BRD4: variants seen among roughly 807,000 people sequenced by gnomAD.
BRD4 encodes the protein bromodomain containing 4.
In BRD4, 16 loss-of-function variants were observed where a neutral mutation model predicts 142.1. The ratio of observed to expected loss-of-function variants is 0.11; its 90% CI spans 0.08 to 0.17. BRD4 has a LOEUF of 0.17. Among genes scored for constraint, BRD4 ranks in the 10% least tolerant of loss-of-function variants. The probability of loss-of-function intolerance (pLI) is 1.00; values close to 1 mark genes in which losing one functional copy is unlikely to be tolerated. For missense variants in BRD4, 1,424 were observed against 1,810.9 expected (o/e 0.79, Z 3.88); for synonymous variants, 833 against 707.5 (o/e 1.18, Z -2.82).
At chr19:15,257,200 G>A (rs200384524) in intron 7 of BRD4, 27 bp from the exon 8 acceptor site, 60 of 1,574,354 alleles carry the variant, frequency 3.8e-5, no homozygotes, top group Non-Finnish European at 4.8e-5. Context: ...ATGCTGTGAC[G>A]GCTGCTGGGT....
intron 11 of BRD4, among the ~76,000 whole-genome samples, chr19:15,251,731 C>A (rs2047349422): frequency 6.6e-6 from 1 of 152,200 alleles, no homozygotes; most frequent in African/African-American, 2.4e-5. Context: ...ATCTGCCGTA[C>A]GAAACCCTCG....
intron 1 of BRD4, among the ~76,000 whole-genome samples, chr19:15,302,036 G>A (rs1290881133): frequency 2.6e-5 from 4 of 151,668 alleles, no homozygotes; most frequent in African/African-American, 4.8e-5. Flanking sequence ...ACATGGTGGC[G>A]CAGGCCTGTA....
chr19:15,283,788 A>G (rs1403673361), intron 1 of BRD4, among the ~76,000 whole-genome samples: 1 of 152,236 alleles, frequency 6.6e-6, no homozygotes, highest in African/African-American at 2.4e-5. Flanking sequence ...AAAGCAGCAG[A>G]GCAGCGGCTG....
At position 15,267,496 on chromosome 19, in the gene BRD4, T is replaced by G. The variant is rs1351241794; in HGVS notation, c.479A>C (p.Lys160Thr). ...AEALEKLFLQ[K>T]INELPTEETE... Reference sequence around the variant, plus strand: ...TTCTTCTGTGGGTAGCTCATTTATTTTTTGCAAGAAGAGCTTTTCCAGAGC... The same window carrying G: ...TTCTTCTGTGGGTAGCTCATTTATTGTTTGCAAGAAGAGCTTTTCCAGAGC... The change falls in exon 4 of 20, where the codon AAA becomes ACA. Residue 160 changes from lysine to threonine, a missense_variant. By Grantham distance (78) the Lys-to-Thr change is moderately conservative. This residue lies in a region of BRD4 where 55 missense variants were observed against 160.7 expected (regional missense o/e 0.34). Transcript: ENST00000679869. 6.2e-7 allele frequency: 1 copy of G among 1,614,184 alleles called. No individual in the cohort carries two copies. Among genetic ancestry groups the G allele is most frequent in the Admixed American group, 1.7e-5 (1 of 60,020 alleles).
At chr19:15,325,861 G>T (rs573890864) in intron 1 of BRD4, among the ~76,000 whole-genome samples, 1 of 151,742 alleles carries the variant, frequency 6.6e-6, no homozygotes, top group African/African-American at 2.4e-5. Context: ...AGCTGGGCGT[G>T]GTGGTGCATG....
intron 1 of BRD4, among the ~76,000 whole-genome samples, chr19:15,302,179 G>A (rs567569840): frequency 1.1e-3 from 162 of 151,548 alleles, no homozygotes; most frequent in African/African-American, 3.7e-3. Context: ...AAAAAAAAAA[G>A]GGGAATTTTA....
intron 1 of BRD4, among the ~76,000 whole-genome samples, chr19:15,308,165 T>G (rs8101830): frequency 0.35 from 148 of 422 alleles, 29 homozygotes; most frequent in Non-Finnish European, 0.46. Context: ...GGGGGGGGGG[T>G]GGGTCGCGTA....
Position 15,255,773 on chromosome 19 carries a change from A to C in BRD4, c.1752-181T>G, listed in dbSNP as rs1020122559. ...GGGAGCACCCAGTGGAGACCGAAGCAAACTGTGACTGGAGGCTGCCCAAGT... is the reference window on the plus strand; with the variant it reads ...GGGAGCACCCAGTGGAGACCGAAGCCAACTGTGACTGGAGGCTGCCCAAGT... On this transcript the variant is annotated intron_variant, in intron 9 of 19. Transcript: ENST00000679869. Among the ~76,000 whole-genome samples, 5 of 152,358 alleles carry C rather than the reference A, an allele frequency of 3.3e-5. No individual in the cohort carries two copies. In the Middle Eastern group the frequency reaches 0.01, roughly 311 times the overall value.
At chr19:15,322,173 T>G (rs553195346) in intron 1 of BRD4, among the ~76,000 whole-genome samples, 2 of 152,308 alleles carry the variant, frequency 1.3e-5, no homozygotes, top group South Asian at 4.1e-4. Flanking sequence ...TTATGAAATA[T>G]CCTTGAAAAT....
Position 15,255,541 on chromosome 19 carries a change from C to T in BRD4, c.1803G>A (p.Ser601=), listed in dbSNP as rs746299911. The part of the protein sequence containing the change: ...MKSKPPPTYE[S]EEEDKCKPMS... ...TAGGCTTGCACTTGTCCTCTTCCTC[C>T]GACTCATACGTGGGAGGGGGCTTGC... The change falls in exon 10 of 20, where the codon TCG becomes TCA. Residue 601 remains serine, a synonymous_variant. Coordinates refer to ENST00000679869, the MANE Select transcript of BRD4 (RefSeq NM_001379291.1). The T allele has an allele frequency of 8.7e-6, 14 of 1,612,126 alleles. No individual in the cohort carries two copies. The highest frequency in any genetic ancestry group is 4.5e-5 in the East Asian group (2 of 44,822).
At chr19:15,287,215 G>A (rs1021744631) in intron 1 of BRD4, among the ~76,000 whole-genome samples, 2 of 151,754 alleles carry the variant, frequency 1.3e-5, no homozygotes, top group Non-Finnish European at 2.9e-5. Flanking sequence ...ATGTTTATGC[G>A]GTTTTAGAGG....
At chr19:15,307,224 C>T (rs1599510893) in intron 1 of BRD4, among the ~76,000 whole-genome samples, 2 of 152,164 alleles carry the variant, frequency 1.3e-5, no homozygotes, top group South Asian at 4.1e-4. Context: ...CCGTCAATCA[C>T]CTACAGCACC....
At position 15,262,509 on chromosome 19, in the gene BRD4, C is replaced by T. The variant is rs150445397; in HGVS notation, c.1341+911G>A. Among the ~76,000 whole-genome samples the T allele has an allele frequency of 4.6e-3, 503 of 110,036 alleles. 3 individuals are homozygous for T. The highest frequency in any genetic ancestry group is 0.017 in the African/African-American group (482 of 28,890). The allele number at this position is 110,036 out of a possible 152,430, so 72.2% of individuals were successfully genotyped here. A position where few individuals can be genotyped will look rare whatever the true frequency, so the allele number is the denominator to read the frequency against. ...TTCCAGACCAGCCTGTGCAACATGGCAAAACCCATCTCTTTAAAAAAAAAA... is the reference window on the plus strand; with the variant it reads ...TTCCAGACCAGCCTGTGCAACATGGTAAAACCCATCTCTTTAAAAAAAAAA... On this transcript the variant is annotated intron_variant, in intron 7 of 19. Coordinates refer to ENST00000679869, the MANE Select transcript of BRD4 (RefSeq NM_001379291.1).
At position 15,244,488 on chromosome 19, in the gene BRD4, T is replaced by C. The variant is rs1465213842; in HGVS notation, c.2324A>G (p.Gln775Arg). 2.3e-6 allele frequency: 3 copies of C among 1,293,574 alleles called. No individual in the cohort carries two copies. The highest frequency in any genetic ancestry group is 3.0e-6 in the Non-Finnish European group (3 of 1,003,210). The allele number at this position is 1,293,574 out of a possible 1,614,324, so 80.1% of individuals were successfully genotyped here. A position where few individuals can be genotyped will look rare whatever the true frequency, so the allele number is the denominator to read the frequency against. Reference sequence around the variant, plus strand: ...GGGTGGGGGAGGCGGGGGTGGCGGCTGCTGTTGCTGCTGCGGAGGTGGAGG... The same window carrying C: ...GGGTGGGGGAGGCGGGGGTGGCGGCCGCTGTTGCTGCTGCGGAGGTGGAGG... ...PPPPPPQQQQ[Q>R]PPPPPPPPSM... is the part of the protein sequence containing the mutation. Residue 775 changes from glutamine to arginine, a missense_variant, in exon 13 of 20, where the codon CAG (glutamine) becomes CGG (arginine). This residue lies in a region of BRD4 where 598 missense variants were observed against 647.8 expected (regional missense o/e 0.92). Coordinates refer to ENST00000679869, the MANE Select transcript of BRD4 (RefSeq NM_001379291.1).
At chr19:15,316,399 G>A (rs976241294) in intron 1 of BRD4, among the ~76,000 whole-genome samples, 3 of 151,928 alleles carry the variant, frequency 2.0e-5, no homozygotes, top group Non-Finnish European at 4.4e-5. Flanking sequence ...AGACCAGCCT[G>A]GCCAACGTGG....
At chr19:15,273,269 A>AC in intron 1 of BRD4, 136 bp from the exon 2 acceptor site, 3 of 801,096 alleles carry the variant, frequency 3.7e-6, no homozygotes, top group Non-Finnish European at 5.7e-6. Context: ...CAGAGGGACC[A>AC]CCCCATGCTT....
intron 1 of BRD4, among the ~76,000 whole-genome samples, chr19:15,321,369 G>A (rs956547409): frequency 6.0e-5 from 9 of 151,114 alleles, no homozygotes; most frequent in African/African-American, 1.5e-4. Flanking sequence ...ATCAACAAGC[G>A]AGATGCTGCT....
intron 1 of BRD4, among the ~76,000 whole-genome samples, chr19:15,330,552 G>C (rs2048148150): frequency 6.6e-6 from 1 of 152,176 alleles, no homozygotes; most frequent in Admixed American, 6.5e-5. Flanking sequence ...GAACACCTGA[G>C]GTCAGGAGTT....
intron 1 of BRD4, among the ~76,000 whole-genome samples, chr19:15,330,019 G>A (rs530707925): frequency 6.6e-5 from 10 of 152,340 alleles, no homozygotes; most frequent in African/African-American, 1.7e-4. Context: ...CTGTCCTCCA[G>A]ACTAGCGAAG....
Sources: allele counts gnomAD v4.1 joint callset (sites outside exome capture counted in the v4.1 genomes callset), GRCh38; gene constraint gnomAD v4.1.1; regional missense constraint gnomAD v4.1.1; transcripts MANE v1.5; gene names NCBI Gene and HGNC (gene_info 2026-07-23, HGNC 2026-07-21).